Variants in DMD observed in about 807,000 individuals in gnomAD.
DMD encodes mutant dystrophin.
A neutral mutation model predicts 330.1 loss-of-function variants in DMD; 63 were observed. The ratio of observed to expected loss-of-function variants is 0.19; its 90% CI spans 0.16 to 0.24. The LOEUF (loss-of-function observed/expected upper bound fraction) is 0.24. Among genes scored for constraint, DMD ranks in the 10% least tolerant of loss-of-function variants. The pLI is 1.00. For synonymous variants in DMD, 1,223 were observed against 959.8 expected, an observed-to-expected ratio of 1.27 and a Z score of -5.07; for missense variants, 3,344 against 2,684.1, an observed-to-expected ratio of 1.25 and a Z score of -5.43.
At chrX:32,564,508 G>T (rs2051449222) in intron 16 of DMD, among the ~76,000 whole-genome samples, 1 of 111,656 alleles carries the variant, frequency 9.0e-6, no homozygotes, top group Admixed American at 9.5e-5. Context: ...CATAAAACAG[G>T]AGGAATCATA....
intron 47 of DMD, among the ~76,000 whole-genome samples, chrX:31,910,742 G>T (rs2094537689): frequency 9.0e-6 from 1 of 111,304 alleles, no homozygotes. Context: ...AAGAGAGAAG[G>T]AAAAAAGGTA....
At chrX:32,446,493 T>TA (rs1237773090) in intron 27 of DMD, among the ~76,000 whole-genome samples, 4 of 109,656 alleles carry the variant, frequency 3.6e-5, no homozygotes, top group African/African-American at 1.3e-4. Context: ...GCATTTTCAA[T>TA]ATGTAAAATC....
chrX:32,892,010 A>C (rs2085255585), intron 2 of DMD, among the ~76,000 whole-genome samples: 1 of 111,789 alleles, frequency 8.9e-6, no homozygotes, highest in African/African-American at 3.3e-5. Flanking sequence ...ACCATAATTC[A>C]TCAGTTATTC....
At chrX:31,194,887 C>T (rs1285971371) in intron 67 of DMD, among the ~76,000 whole-genome samples, 1 of 111,694 alleles carries the variant, frequency 9.0e-6, no homozygotes, top group African/African-American at 3.3e-5. Flanking sequence ...GATTTCCTTC[C>T]TGTCCTTGTC....
chrX:31,991,669 A>G (rs1166250187), intron 44 of DMD, among the ~76,000 whole-genome samples: 4 of 109,791 alleles, frequency 3.6e-5, no homozygotes, highest in African/African-American at 6.6e-5. Context: ...TCAGAGTGAG[A>G]AAGAGAAAAC....
chrX:31,632,515 T>C (rs1457435565), intron 54 of DMD, among the ~76,000 whole-genome samples: 1 of 111,964 alleles, frequency 8.9e-6, no homozygotes, highest in Non-Finnish European at 1.9e-5. Flanking sequence ...TGGCCTGGCA[T>C]TGTTATAGAG....
Position 31,222,206 on chromosome X carries a change from A to AAAAC in DMD, c.9361+837_9361+840dup, listed in dbSNP as rs1182046242. Among the ~76,000 whole-genome samples the AAAAC allele has an allele frequency of 3.5e-4, 36 of 104,048 alleles. No individual in the cohort carries two copies. In the East Asian group the frequency reaches 6.8e-3, roughly 20 times the overall value. 90.4% of individuals were successfully genotyped at this position (104,048 alleles called of 115,157 possible). On this transcript the variant is annotated intron_variant, in intron 64 of 78. Coordinates refer to ENST00000357033, the MANE Select transcript of DMD (RefSeq NM_004006.3). ...GCGAGACTCTGTCTCAAAAAAAAAC[A>AAAAC]AAACAAACAAACAAACAAACAAAAA...
intron 17 of DMD, among the ~76,000 whole-genome samples, chrX:32,528,270 C>T (rs111908681): frequency 9.0e-6 from 1 of 110,604 alleles, no homozygotes; most frequent in Non-Finnish European, 1.9e-5. Context: ...GATTGTGCCA[C>T]TACATTCCAG....
chrX:32,369,010 G>A (rs910628908), intron 34 of DMD, among the ~76,000 whole-genome samples: 3 of 111,489 alleles, frequency 2.7e-5, no homozygotes, highest in Admixed American at 9.6e-5. Flanking sequence ...CCACCTTCAG[G>A]AGATTCAAGA....
intron 30 of DMD, among the ~76,000 whole-genome samples, chrX:32,400,603 G>C (rs940831402): frequency 9.0e-6 from 1 of 110,544 alleles, no homozygotes; most frequent in African/African-American, 3.3e-5. Context: ...CTGGCCATCA[G>C]AGAAATGCAA....
intron 52 of DMD, among the ~76,000 whole-genome samples, chrX:31,699,581 A>G (rs184331326): frequency 2.3e-4 from 26 of 112,354 alleles, no homozygotes; most frequent in African/African-American, 8.4e-4. Context: ...CCCATTCATC[A>G]AAACTCATTT....
chrX:31,559,665 A>AAAAAAAAC, intron 55 of DMD, among the ~76,000 whole-genome samples: 1 of 102,763 alleles, frequency 9.7e-6, no homozygotes, highest in Admixed American at 1.0e-4. Context: ...AAAAAAAAAA[A>AAAAAAAAC]GACTTCTTGG....
intron 62 of DMD, among the ~76,000 whole-genome samples, chrX:31,316,498 T>G (rs2056025934): frequency 9.0e-6 from 1 of 111,397 alleles, no homozygotes; most frequent in Admixed American, 9.6e-5. Context: ...GATGTGAGGG[T>G]TTTTTTCATG....
intron 2 of DMD, among the ~76,000 whole-genome samples, chrX:32,855,741 A>T (rs1173864820): frequency 2.7e-5 from 3 of 112,118 alleles, no homozygotes; most frequent in Non-Finnish European, 5.6e-5. Context: ...TAAAATCTCC[A>T]AGACACTGGT....
chrX:33,103,273 C>T (rs1044895486), intron 1 of DMD, among the ~76,000 whole-genome samples: 1 of 111,406 alleles, frequency 9.0e-6, no homozygotes, highest in Non-Finnish European at 1.9e-5. Flanking sequence ...CCATAACTGA[C>T]CTGTCAGGCC....
chrX:31,182,332 C>A, intron 68 of DMD, among the ~76,000 whole-genome samples: 1 of 112,225 alleles, frequency 8.9e-6, no homozygotes, highest in South Asian at 3.7e-4. Flanking sequence ...AGAATAGAAT[C>A]ATCTCTCAGT....
intron 9 of DMD, among the ~76,000 whole-genome samples, chrX:32,657,136 G>A (rs2060632805): frequency 9.2e-6 from 1 of 108,458 alleles, no homozygotes; most frequent in South Asian, 3.9e-4. Context: ...ATTTTTTCCT[G>A]TACTTCACCT....
At chrX:33,111,989 C>G (rs2095343039) in intron 1 of DMD, among the ~76,000 whole-genome samples, 1 of 110,880 alleles carries the variant, frequency 9.0e-6, no homozygotes, top group Admixed American at 9.7e-5. Context: ...ATAAAAATCT[C>G]AATTGTTTGC....
At chrX:32,723,856 C>A (rs1433041088) in intron 7 of DMD, among the ~76,000 whole-genome samples, 1 of 108,620 alleles carries the variant, frequency 9.2e-6, no homozygotes, top group Non-Finnish European at 1.9e-5. Context: ...TACACTAACA[C>A]TAACAATAGC....
Sources: gnomAD v4.1 joint callset for allele counts (sites outside exome capture counted in the v4.1 genomes callset) on GRCh38, gnomAD v4.1.1 for gene constraint, MANE v1.5 for transcripts, NCBI Gene and HGNC (gene_info 2026-07-23, HGNC 2026-07-21) for gene names.